Variants in ZP3 observed in about 807,000 individuals in gnomAD.
ZP3 encodes zona pellucida sperm-binding protein 3.
A neutral mutation model predicts 35.6 loss-of-function variants in ZP3; 21 were observed. The ratio of observed to expected loss-of-function variants is 0.59; its 90% confidence interval spans 0.42 to 0.85. ZP3 has a LOEUF of 0.85. ZP3 is among the 40% of genes least tolerant of loss of function. The pLI is 0.00. For missense variants in ZP3, 437 were observed against 536.5 expected (o/e 0.81, Z 1.83); for synonymous variants, 207 against 214.5 (o/e 0.96, Z 0.31).
chr7:76,432,293 A>C (rs967205780), intron 2 of ZP3, among the ~76,000 whole-genome samples: 1 of 151,592 alleles, frequency 6.6e-6, no homozygotes, highest in African/African-American at 2.4e-5. Context: ...GGTTCACGCC[A>C]TTCTCCTGCC....
chr7:76,423,239 G>A (rs1805569221), upstream of ZP3, among the ~76,000 whole-genome samples: 2 of 151,680 alleles, frequency 1.3e-5, no homozygotes, highest in Admixed American at 6.6e-5. Flanking sequence ...GAAAGAGAGA[G>A]AGAGAGGGAA....
upstream of ZP3, among the ~76,000 whole-genome samples, chr7:76,423,966 G>A (rs1328753366): frequency 1.3e-5 from 2 of 151,944 alleles, no homozygotes; most frequent in Non-Finnish European, 2.9e-5. Flanking sequence ...AAGAACGCAG[G>A]GCCCCTTCTC....
upstream of ZP3, among the ~76,000 whole-genome samples, chr7:76,420,373 A>G (rs1008930564): frequency 6.6e-6 from 1 of 152,140 alleles, no homozygotes; most frequent in Non-Finnish European, 1.5e-5. Flanking sequence ...TAGCTCTTCC[A>G]TATAAATTTT....
upstream of ZP3, among the ~76,000 whole-genome samples, chr7:76,421,136 A>G (rs1325748271): frequency 6.6e-6 from 1 of 152,062 alleles, no homozygotes; most frequent in African/African-American, 2.4e-5. Context: ...GGGTTTCACC[A>G]TATTGGCCAG....
chr7:76,434,846 G>GC (rs1380951039), intron 5 of ZP3, among the ~76,000 whole-genome samples: 1 of 150,080 alleles, frequency 6.7e-6, no homozygotes, highest in Non-Finnish European at 1.5e-5. Flanking sequence ...GTCTAGTGAA[G>GC]CCTAGAATCT....
intron 1 of ZP3, chr7:76,429,119 T>C: frequency 4.1e-6 from 1 of 244,944 alleles, no homozygotes; most frequent in South Asian, 5.4e-5. Flanking sequence ...ATGTGTCATG[T>C]GCCCTGATGC....
At chr7:76,421,984 C>T (rs1159955401), upstream of ZP3, among the ~76,000 whole-genome samples, 1 of 152,014 alleles carries the variant, frequency 6.6e-6, no homozygotes, top group African/African-American at 2.4e-5. Flanking sequence ...ACAACCTCCA[C>T]CTCCTGGGTT....
intron 1 of ZP3, among the ~76,000 whole-genome samples, chr7:76,411,013 A>AGAAAG (rs1554623387): frequency 7.6e-6 from 1 of 131,140 alleles, no homozygotes; most frequent in Admixed American, 8.1e-5. Flanking sequence ...AAAAAAAAAA[A>AGAAAG]AAAAGAAAAG....
intron 1 of ZP3, among the ~76,000 whole-genome samples, chr7:76,418,574 A>AAT (rs1805432120): frequency 1.4e-5 from 2 of 140,512 alleles, no homozygotes; most frequent in Non-Finnish European, 3.1e-5. Flanking sequence ...AAAAAAAAAA[A>AAT]GGCTGGGCAC....
At chr7:76,401,819 C>G (rs993941843) in intron 1 of ZP3, among the ~76,000 whole-genome samples, 2 of 152,170 alleles carry the variant, frequency 1.3e-5, no homozygotes, top group Non-Finnish European at 2.9e-5. Flanking sequence ...TCCTGGACAC[C>G]ACATACCCAG....
In ZP3 at chr7:76,440,545, C is replaced by T. The variant is rs371583399; in HGVS notation, c.994C>T (p.His332Tyr). The T allele has an allele frequency of 2.0e-5, 33 of 1,614,082 alleles. No homozygotes were observed. The highest frequency in any genetic ancestry group is 4.0e-5 in the African/African-American group (3 of 74,936). The change falls in exon 7 of 8, where the codon CAT becomes TAT. Residue 332 changes from histidine (H) to tyrosine (Y), a missense_variant. Physicochemically the swap from His to Tyr is moderately conservative, Grantham distance 83 (BLOSUM62 2). Around this residue, in one of 6 missense-constraint regions of ZP3, gnomAD observed 41 missense variants for 50.2 expected, o/e 0.82. Transcript: ENST00000394857. ...CNKGDCGTPS[H>Y]SRRQPHVMSQ... The stretch of plus-strand genomic sequence containing the variant: ...CAAAGGTGACTGTGGCACTCCAAGC[C>T]ATTCCAGGAGGCAGCCTCATGTCAT...
chr7:76,423,075 GAAA>G (rs1563695619), upstream of ZP3, among the ~76,000 whole-genome samples: 27 of 141,290 alleles, frequency 1.9e-4, 1 homozygote, highest in Non-Finnish European at 3.7e-4. Flanking sequence ...AAGAAAGAAA[GAAA>G]GAAAGAAAAG....
In ZP3 at chr7:76,413,095, T is replaced by C. The variant is rs973782529; in HGVS notation, c.-66-11957T>C. On this transcript the variant is annotated intron_variant, in intron 1 of 8. Transcript: ENST00000336517. ...CTCCTCCTTCAGCCTCCCAAGTAGC[T>C]GGGACTACAGGCGCGTGCCACTGCG... 5.3e-5 allele frequency among the ~76,000 whole-genome samples: 8 copies of C among 151,434 alleles called. No homozygotes were observed. In the Admixed American group the frequency reaches 5.3e-4, roughly 10 times the overall value.
chr7:76,405,271 T>C (rs1441677990), intron 1 of ZP3, among the ~76,000 whole-genome samples: 2 of 9,130 alleles, frequency 2.2e-4, no homozygotes, highest in African/African-American at 5.0e-4. Flanking sequence ...ACCCAGCTAA[T>C]TATATATATA....
rs962766246 is a variant in ZP3, at chr7:76,441,577, C to T, written c.1061-265C>T. Among the ~76,000 whole-genome samples the T allele has an allele frequency of 4.6e-5, 7 of 151,990 alleles. No individual in the cohort carries two copies. The East Asian group carries it at 9.7e-4, about 21-fold the overall frequency. On this transcript the variant is annotated intron_variant, in intron 7 of 7. Transcript: ENST00000394857. ...TTAACTTTTTTATTTTCAGTAGAGACGGGTCTTGCCGTGTTGGCCAGGCTG... is the reference window on the plus strand; with the variant it reads ...TTAACTTTTTTATTTTCAGTAGAGATGGGTCTTGCCGTGTTGGCCAGGCTG...
At chr7:76,436,287 T>C (rs1806010779) in intron 5 of ZP3, among the ~76,000 whole-genome samples, 1 of 152,104 alleles carries the variant, frequency 6.6e-6, no homozygotes, top group Non-Finnish European at 1.5e-5. Flanking sequence ...CCTCAAACGA[T>C]CCACCTGCCT....
At chr7:76,422,651 C>T (rs1805530245), upstream of ZP3, among the ~76,000 whole-genome samples, 1 of 148,964 alleles carries the variant, frequency 6.7e-6, no homozygotes, top group African/African-American at 2.5e-5. Flanking sequence ...TGCACTCCAG[C>T]CTGGGCGACA....
upstream of ZP3, among the ~76,000 whole-genome samples, chr7:76,421,067 CTGGGATTAT>C (rs1805493470): frequency 6.6e-6 from 1 of 151,978 alleles, no homozygotes; most frequent in Non-Finnish European, 1.5e-5. Flanking sequence ...TCCTGAGTAG[CTGGGATTAT>C]AGGCGTGTGC....
intron 1 of ZP3, among the ~76,000 whole-genome samples, chr7:76,412,144 C>T (rs1449360848): frequency 3.4e-5 from 5 of 148,248 alleles, no homozygotes; most frequent in African/African-American, 5.0e-5. Flanking sequence ...GCTGTGCTTG[C>T]GTCACTGCAC....
Sources: allele counts gnomAD v4.1 joint callset (sites outside exome capture counted in the v4.1 genomes callset), GRCh38; gene constraint gnomAD v4.1.1; regional missense constraint gnomAD v4.1.1; transcripts MANE v1.5; gene names NCBI Gene and HGNC (gene_info 2026-07-23, HGNC 2026-07-21).